Variants in CAMKMT observed in about 807,000 individuals in gnomAD.
The protein encoded by CAMKMT is CaM KMT.
CAMKMT carries 53 observed loss-of-function variants against 48.0 expected under a neutral mutation model. That is an observed-to-expected ratio of 1.10 (90% confidence interval 0.89 to 1.39). The LOEUF (loss-of-function observed/expected upper bound fraction) is 1.39, where lower values mean the gene tolerates loss of function less well. Among genes scored for constraint, CAMKMT ranks in the 40% most tolerant of loss-of-function variants. The probability of loss-of-function intolerance (pLI) is 0.00; values close to 1 mark genes in which losing one functional copy is unlikely to be tolerated. For missense variants in CAMKMT, 428 were observed against 402.7 expected, an observed-to-expected ratio of 1.06 and a Z score of -0.54; for synonymous variants, 165 against 152.3, an observed-to-expected ratio of 1.08 and a Z score of -0.61.
At chr2:44,428,098 A>G (rs1210196583) in intron 3 of CAMKMT, among the ~76,000 whole-genome samples, 1 of 152,104 alleles carries the variant, frequency 6.6e-6, no homozygotes, top group Non-Finnish European at 1.5e-5. Flanking sequence ...AGCTCAGTGG[A>G]GGGTCAGGGT....
At chr2:44,523,042 G>A (rs982820869) in intron 3 of CAMKMT, among the ~76,000 whole-genome samples, 6 of 151,952 alleles carry the variant, frequency 3.9e-5, no homozygotes, top group African/African-American at 7.2e-5. Context: ...AGCCTCTAGA[G>A]TACTGTTCCA....
intron 2 of CAMKMT, among the ~76,000 whole-genome samples, chr2:44,387,838 G>A (rs1680925252): frequency 6.6e-6 from 1 of 152,130 alleles, no homozygotes; most frequent in South Asian, 2.1e-4. Context: ...GCTGACAATT[G>A]TTTTGTTTGT....
At chr2:44,471,760 C>T (rs1211480836) in intron 3 of CAMKMT, among the ~76,000 whole-genome samples, 2 of 152,020 alleles carry the variant, frequency 1.3e-5, no homozygotes, top group African/African-American at 4.8e-5. Flanking sequence ...AGACTGTCTG[C>T]AGCCTCCACC....
At chr2:44,401,937 G>A (rs1381998212) in intron 3 of CAMKMT, among the ~76,000 whole-genome samples, 3 of 152,120 alleles carry the variant, frequency 2.0e-5, no homozygotes, top group East Asian at 1.9e-4. Context: ...TTTTTGTTTG[G>A]TCTGTTGTTT....
intron 1 of CAMKMT, among the ~76,000 whole-genome samples, chr2:44,366,718 G>GTTATTATTATTATTATTATTATTA (rs71393267): frequency 6.7e-6 from 1 of 150,102 alleles, no homozygotes; most frequent in Non-Finnish European, 1.5e-5. Context: ...AGCAGCTATT[G>GTTATTATTATTATTATTATTATTA]TTATTATTAT....
chr2:44,627,191 C>T (rs79550472), intron 3 of CAMKMT, among the ~76,000 whole-genome samples: 1 of 152,168 alleles, frequency 6.6e-6, no homozygotes, highest in East Asian at 1.9e-4. Context: ...GTTAATTCAA[C>T]CTTACAGAAT....
intron 3 of CAMKMT, among the ~76,000 whole-genome samples, chr2:44,405,127 A>T (rs753810023): frequency 6.6e-6 from 1 of 152,104 alleles, no homozygotes; most frequent in Non-Finnish European, 1.5e-5. Flanking sequence ...ATTAAAATCT[A>T]TCTAAATACA....
chr2:44,549,677 C>G (rs139316251), intron 3 of CAMKMT: 1 of 566,404 alleles, frequency 1.8e-6, no homozygotes, highest in East Asian at 3.0e-5. Flanking sequence ...TTATGATACT[C>G]TTGCTTATTT....
intron 3 of CAMKMT, among the ~76,000 whole-genome samples, chr2:44,598,119 C>G (rs1162241117): frequency 6.6e-6 from 1 of 152,018 alleles, no homozygotes; most frequent in African/African-American, 2.4e-5. Context: ...GAATGAGCTA[C>G]TAAATATCAT....
chr2:44,451,564 A>G (rs1004796572), intron 3 of CAMKMT, among the ~76,000 whole-genome samples: 5 of 152,102 alleles, frequency 3.3e-5, no homozygotes, highest in East Asian at 3.9e-4. Context: ...AAAAATGCAG[A>G]TGATCATTTA....
At chr2:44,520,355 G>T (rs1398969317) in intron 3 of CAMKMT, among the ~76,000 whole-genome samples, 1 of 151,948 alleles carries the variant, frequency 6.6e-6, no homozygotes, top group Non-Finnish European at 1.5e-5. Flanking sequence ...TCAGCCTCCC[G>T]ATCCGCCTGC....
intron 3 of CAMKMT, among the ~76,000 whole-genome samples, chr2:44,418,372 A>G (rs1683712395): frequency 1.3e-5 from 2 of 151,294 alleles, no homozygotes; most frequent in Non-Finnish European, 2.9e-5. Context: ...TTTTTAGTCT[A>G]TGGTCCATTT....
At chr2:44,642,010 T>G (rs188509013) in intron 3 of CAMKMT, among the ~76,000 whole-genome samples, 41 of 152,352 alleles carry the variant, frequency 2.7e-4, no homozygotes, top group African/African-American at 8.4e-4. Context: ...GGTGAAAGTC[T>G]TCTCTGGCTT....
intron 3 of CAMKMT, among the ~76,000 whole-genome samples, chr2:44,522,129 G>C (rs942384066): frequency 1.3e-5 from 2 of 151,288 alleles, no homozygotes; most frequent in African/African-American, 4.9e-5. Context: ...TCAGCCTGCC[G>C]AGTAGCTGGG....
In CAMKMT at chr2:44,618,140, T is replaced by C. The variant is rs1397236880; in HGVS notation, c.377-86143T>C. 6.6e-6 allele frequency among the ~76,000 whole-genome samples: 1 copy of C among 152,242 alleles called. No homozygotes were observed. Among genetic ancestry groups the C allele is most frequent in the African/African-American group, 2.4e-5 (1 of 41,472 alleles). On this transcript the variant is annotated intron_variant, in intron 3 of 10. Coordinates refer to ENST00000378494, the MANE Select transcript of CAMKMT (RefSeq NM_024766.5). This position sits in a 1 kb window ranked among gnomAD's most constrained non-coding sequence, Gnocchi z 4.0. ...CTGCTTCAAGCAGCAGGTGTGTTTT[T>C]AATCTTTAATAGGTCACCTTCCCAA...
chr2:44,748,902 C>T (rs928434248), intron 8 of CAMKMT, among the ~76,000 whole-genome samples: 1 of 152,100 alleles, frequency 6.6e-6, no homozygotes, highest in African/African-American at 2.4e-5. Context: ...TAAAGACATA[C>T]TTATAGTTTG....
chr2:44,402,613 T>G (rs1682479649), intron 3 of CAMKMT, among the ~76,000 whole-genome samples: 1 of 151,758 alleles, frequency 6.6e-6, no homozygotes, highest in Non-Finnish European at 1.5e-5. Flanking sequence ...TCTGGAAAAT[T>G]TTTTTGAATT....
In CAMKMT at chr2:44,613,895, T is replaced by G. The variant is rs184252609; in HGVS notation, c.377-90388T>G. ...TCTCTATGGAATGAAGAGGTTCAAT[T>G]ACATGATGTCTAACAGTCTTAAAAA... On this transcript the variant is annotated intron_variant, in intron 3 of 10. Coordinates refer to ENST00000378494, the MANE Select transcript of CAMKMT (RefSeq NM_024766.5). Among the ~76,000 whole-genome samples the G allele has an allele frequency of 3.7e-3, 556 of 152,294 alleles. 2 individuals carry two copies. Among genetic ancestry groups the G allele is most frequent in the Non-Finnish European group, 4.9e-3 (331 of 68,012 alleles).
chr2:44,762,568 A>G (rs1398901764), intron 9 of CAMKMT, among the ~76,000 whole-genome samples: 3 of 152,220 alleles, frequency 2.0e-5, no homozygotes, highest in African/African-American at 7.2e-5. Context: ...TGACAAGTTA[A>G]TGGGTGCAGC....
Sources: gnomAD v4.1 joint callset for allele counts (sites outside exome capture counted in the v4.1 genomes callset) on GRCh38, gnomAD v4.1.1 for gene constraint, Gnocchi (gnomAD v3.1) non-coding constraint, MANE v1.5 for transcripts, NCBI Gene and HGNC (gene_info 2026-07-23, HGNC 2026-07-21) for gene names.